LHFPL4: variants seen among roughly 807,000 people sequenced by gnomAD.
LHFPL4 encodes LHFPL tetraspan subfamily member 4, also known as LHFPL tetraspan subfamily member 4 protein.
Under a neutral mutation model 20.0 loss-of-function variants are expected in LHFPL4, and 6 were observed. The ratio of observed to expected loss-of-function variants is 0.30; its 90% CI spans 0.16 to 0.59. The LOEUF is 0.59. Among genes scored for constraint, LHFPL4 ranks in the 20% least tolerant of loss-of-function variants. LHFPL4 has a pLI of 0.88. For missense variants in LHFPL4, 215 were observed against 331.2 expected, an observed-to-expected ratio of 0.65 and a Z score of 2.72; for synonymous variants, 129 against 143.8, an observed-to-expected ratio of 0.90 and a Z score of 0.74.
chr3:9,518,120 T>A (rs939803186), intron 2 of LHFPL4, among the ~76,000 whole-genome samples: 6 of 152,102 alleles, frequency 3.9e-5, no homozygotes, highest in African/African-American at 1.4e-4. Context: ...TGTGAATAGG[T>A]GTTAAATTTC....
rs548209867 is a variant in LHFPL4 at position 9,525,777 on chromosome 3, G to GA, written c.407-19575dup. On this transcript the variant is annotated intron_variant, in intron 2 of 3. Coordinates refer to ENST00000287585, the MANE Select transcript of LHFPL4 (RefSeq NM_198560.3). ...CGTGCTTATACGTTTGAAAAAATGGGAAAAAATGGGAAACATGCCAGACAC... is the reference window on the plus strand; with the variant it reads ...CGTGCTTATACGTTTGAAAAAATGGGAAAAAAATGGGAAACATGCCAGACAC... Among the ~76,000 whole-genome samples the GA allele has an allele frequency of 5.7e-3, 875 of 152,186 alleles. 11 individuals are homozygous for GA. Among genetic ancestry groups the GA allele is most frequent in the Non-Finnish European group, 8.0e-3 (546 of 68,004 alleles).
At chr3:9,518,734 G>A (rs974011203) in intron 2 of LHFPL4, among the ~76,000 whole-genome samples, 4 of 150,130 alleles carry the variant, frequency 2.7e-5, no homozygotes, top group Non-Finnish European at 5.9e-5. Flanking sequence ...ATGTCCACAA[G>A]ATCTGTAGTG....
chr3:9,552,308 G>A lies in LHFPL4; in HGVS notation c.372C>T (p.Val124=), dbSNP rs1165437894. Residue 124 remains valine (V), a synonymous_variant, in exon 2 of 4, where the codon GTC becomes GTT. Transcript: ENST00000287585. ...GCTGCATCCAGGCGCAGATCTTGTA[G>A]ACCGTAGCCGTGTTGCAGAAGAAGA... ...SLFFFCNTAT[V]YKICAWMQLL... is the part of the protein sequence containing the mutation. 1 of 1,612,840 alleles carries A rather than the reference G, an allele frequency of 6.2e-7. No homozygotes were observed. The highest frequency in any genetic ancestry group is 1.1e-5 in the South Asian group (1 of 90,834).
At chr3:9,502,518 A>G (rs1027493240) in intron 3 of LHFPL4, among the ~76,000 whole-genome samples, 1 of 152,124 alleles carries the variant, frequency 6.6e-6, no homozygotes, top group Non-Finnish European at 1.5e-5. Context: ...CCTGATCAAC[A>G]TGGCACAACC....
chr3:9,523,450 CTTTATTTATTTATTTATTTATTTA>C, intron 2 of LHFPL4, among the ~76,000 whole-genome samples: 2 of 147,984 alleles, frequency 1.4e-5, no homozygotes, highest in African/African-American at 5.0e-5. Flanking sequence ...GAGACAGAGT[CTTTATTTATTTATTTATTTATTTA>C]TTTATTTATT....
Position 9,510,045 on chromosome 3 carries a change from A to G in LHFPL4, c.407-3842T>C, listed in dbSNP as rs73130142. Among the ~76,000 whole-genome samples, 441 of 152,310 alleles carry G rather than the reference A, an allele frequency of 2.9e-3. 1 individual carries two copies. The highest frequency in any genetic ancestry group is 0.01 in the African/African-American group (428 of 41,562). On this transcript the variant is annotated intron_variant, in intron 2 of 3. Coordinates refer to ENST00000287585, the MANE Select transcript of LHFPL4 (RefSeq NM_198560.3). ...TCAGCCTCAATGCTTTTGACATTCA[A>G]GCTAGATGATTCTTCATGAGGGGCC...
intron 2 of LHFPL4, among the ~76,000 whole-genome samples, chr3:9,523,055 A>AAAAG (rs1376004547): frequency 8.6e-4 from 106 of 122,736 alleles, no homozygotes; most frequent in East Asian, 3.5e-3. Flanking sequence ...AAAAAAAAAA[A>AAAAG]AAAGAAAGAA....
At chr3:9,526,275 G>A (rs553706192) in intron 2 of LHFPL4, among the ~76,000 whole-genome samples, 4 of 152,280 alleles carry the variant, frequency 2.6e-5, no homozygotes, top group Admixed American at 2.6e-4. Flanking sequence ...TTTCAGTTTT[G>A]CAAGATTAAA....
chr3:9,545,894 G>A (rs1020261202), intron 2 of LHFPL4, among the ~76,000 whole-genome samples: 2 of 152,064 alleles, frequency 1.3e-5, no homozygotes. Context: ...GGACAACAGA[G>A]CCAGACTCAG....
rs386395919 is a variant in LHFPL4 at position 9,509,242 on chromosome 3, C to CCG, written c.407-3040_407-3039insCG. On this transcript the variant is annotated intron_variant, in intron 2 of 3. Transcript: ENST00000287585. ...CCCACCCTTTTCATCTTTCTTCGCACCCCCCTCTCTCTCTCTCTGGCTTGT... is the reference window on the plus strand; with the variant it reads ...CCCACCCTTTTCATCTTTCTTCGCACCGCCCCCTCTCTCTCTCTCTGGCTTGT... Among the ~76,000 whole-genome samples the CCG allele has an allele frequency of 1.5e-4, 4 of 27,320 alleles. 1 individual carries two copies. Among genetic ancestry groups the CCG allele is most frequent in the African/African-American group, 5.9e-4 (4 of 6,836 alleles). 17.9% of individuals were successfully genotyped at this position (27,320 alleles called of 152,430 possible). A position where few individuals can be genotyped will look rare whatever the true frequency, so the allele number is the denominator to read the frequency against.
chr3:9,512,071 T>A (rs916038171), intron 2 of LHFPL4, among the ~76,000 whole-genome samples: 1 of 152,142 alleles, frequency 6.6e-6, no homozygotes, highest in African/African-American at 2.4e-5. Flanking sequence ...TAGCTGGGAC[T>A]ACAGGCGCCC....
chr3:9,529,943 T>C (rs1253584242), intron 2 of LHFPL4, among the ~76,000 whole-genome samples: 2 of 152,022 alleles, frequency 1.3e-5, no homozygotes, highest in Admixed American at 6.6e-5. Flanking sequence ...TTTTTTTTTT[T>C]TCCTATCCTG....
chr3:9,535,356 T>C (rs1187765028), intron 2 of LHFPL4, among the ~76,000 whole-genome samples: 1 of 152,186 alleles, frequency 6.6e-6, no homozygotes, highest in African/African-American at 2.4e-5. Flanking sequence ...GACACTGAGG[T>C]GCAAGACGTT....
chr3:9,543,555 T>C (rs999962864), intron 2 of LHFPL4, among the ~76,000 whole-genome samples: 9 of 151,772 alleles, frequency 5.9e-5, no homozygotes, highest in African/African-American at 2.2e-4. Context: ...ATCCTTAGGA[T>C]GACTGTAGCC....
chr3:9,523,077 G>GAAGAAAGAAAGAAAGAAAGA (rs752981499), intron 2 of LHFPL4, among the ~76,000 whole-genome samples: 1 of 114,034 alleles, frequency 8.8e-6, no homozygotes, highest in Non-Finnish European at 1.8e-5. Flanking sequence ...GAAAGAAAAG[G>GAAGAAAGAAAGAAAGAAAGA]AAGAAAGAAA....
At chr3:9,514,215 G>A (rs2125657700) in intron 2 of LHFPL4, among the ~76,000 whole-genome samples, 1 of 152,226 alleles carries the variant, frequency 6.6e-6, no homozygotes, top group Non-Finnish European at 1.5e-5. Flanking sequence ...GATGAGGTGG[G>A]AGAAGCACTT....
In LHFPL4 at chr3:9,501,779, G is replaced by T; in HGVS notation, c.*432C>A. The stretch of plus-strand genomic sequence containing the variant: ...AGGAAAGAGTCCAGCCCACCCTGGA[G>T]CAGTATCTAGAATAAATTTCTTGAA... On this transcript the variant is annotated 3_prime_UTR_variant, in exon 4 of 4. Coordinates refer to ENST00000287585, the MANE Select transcript of LHFPL4 (RefSeq NM_198560.3). The T allele has an allele frequency of 6.2e-6, 1 of 162,166 alleles. No individual in the cohort carries two copies. 10.0% of individuals were successfully genotyped at this position (162,166 alleles called of 1,614,324 possible).
intron 3 of LHFPL4, among the ~76,000 whole-genome samples, chr3:9,504,793 C>A (rs1405271991): frequency 6.7e-6 from 1 of 150,078 alleles, no homozygotes; most frequent in Non-Finnish European, 1.5e-5. Flanking sequence ...CCACTGCACT[C>A]CAGCCTGGGT....
At chr3:9,547,057 T>C (rs1467013372) in intron 2 of LHFPL4, among the ~76,000 whole-genome samples, 1 of 152,174 alleles carries the variant, frequency 6.6e-6, no homozygotes, top group Admixed American at 6.5e-5. Context: ...GGCATGATCA[T>C]GGCTCACTGC....
Sources: allele counts gnomAD v4.1 joint callset (sites outside exome capture counted in the v4.1 genomes callset), GRCh38; gene constraint gnomAD v4.1.1; transcripts MANE v1.5; gene names NCBI Gene and HGNC (gene_info 2026-07-23, HGNC 2026-07-21).